Variants in ASTN2 observed in about 807,000 individuals in gnomAD.
ASTN2 encodes the protein astrotactin-2.
In ASTN2, 54 loss-of-function variants were observed where a neutral mutation model predicts 139.8. The ratio of observed to expected loss-of-function variants is 0.39; its 90% CI spans 0.31 to 0.48. The LOEUF (loss-of-function observed/expected upper bound fraction) is 0.48, where lower values mean the gene tolerates loss of function less well. Among genes scored for constraint, ASTN2 ranks in the 20% least tolerant of loss-of-function variants. The probability of loss-of-function intolerance (pLI) is 0.95; values close to 1 mark genes in which losing one functional copy is unlikely to be tolerated. For missense variants in ASTN2, 1,565 were observed against 1,725.1 expected (o/e 0.91, Z 1.64); for synonymous variants, 756 against 719.5 (o/e 1.05, Z -0.81).
intron 1 of ASTN2, among the ~76,000 whole-genome samples, chr9:117,400,351 T>C (rs1180433289): frequency 1.3e-5 from 2 of 152,184 alleles, no homozygotes; most frequent in African/African-American, 2.4e-5. Context: ...TGTCCTTTTG[T>C]GGGGAGGACA....
chr9:116,924,410 A>G (rs1338871721), intron 10 of ASTN2, among the ~76,000 whole-genome samples: 1 of 146,124 alleles, frequency 6.8e-6, no homozygotes, highest in Non-Finnish European at 1.5e-5. Flanking sequence ...AGCCTGGGTG[A>G]CAGAGCAAGA....
At chr9:116,652,484 T>C (rs1321245051) in intron 16 of ASTN2, among the ~76,000 whole-genome samples, 2 of 152,204 alleles carry the variant, frequency 1.3e-5, no homozygotes, top group Non-Finnish European at 2.9e-5. Context: ...ACAAAAAGGA[T>C]ATCCTTCCTT....
chr9:117,219,781 A>G (rs1832454916), intron 2 of ASTN2, among the ~76,000 whole-genome samples: 1 of 152,102 alleles, frequency 6.6e-6, no homozygotes, highest in African/African-American at 2.4e-5. Flanking sequence ...CTTCCCTATT[A>G]CAAGTCTCTC....
At chr9:117,121,608 G>A (rs1383315527) in intron 4 of ASTN2, among the ~76,000 whole-genome samples, 1 of 152,208 alleles carries the variant, frequency 6.6e-6, no homozygotes, top group East Asian at 1.9e-4. Context: ...AGGCTGTGAT[G>A]CAAACAACCC....
intron 10 of ASTN2, among the ~76,000 whole-genome samples, chr9:116,934,444 G>A (rs1376679118): frequency 6.6e-6 from 1 of 152,138 alleles, no homozygotes; most frequent in Non-Finnish European, 1.5e-5. Context: ...ATGAAGCTAG[G>A]AGGCTAGTAT....
rs1037105613 is a variant in ASTN2 at position 116,739,807 on chromosome 9, G to T, written c.2397-6284C>A. ...GCCTGAGTAAAACTGAGAAAAAGTA[G>T]GTGCACCATGAGCATTTGTTGAAGC... On this transcript the variant is annotated intron_variant, in intron 13 of 22. Coordinates refer to ENST00000313400, the MANE Select transcript of ASTN2 (RefSeq NM_001365068.1). Among the ~76,000 whole-genome samples the T allele has an allele frequency of 1.1e-4, 17 of 152,174 alleles. 1 individual carries two copies. The highest frequency in any genetic ancestry group is 1.5e-5 in the Non-Finnish European group (1 of 68,042).
chr9:117,304,488 C>A lies in ASTN2; in HGVS notation c.443-12975G>T, dbSNP rs554497749. Among the ~76,000 whole-genome samples, 4 of 152,334 alleles carry A rather than the reference C, an allele frequency of 2.6e-5. No homozygotes were observed. In the South Asian group the frequency reaches 6.2e-4, roughly 24 times the overall value. ...CTTAATGGGCATGTGTAGCACAGAA[C>A]AAACTGATGTTGAAATTTTGCCCTA... On this transcript the variant is annotated intron_variant, in intron 1 of 22. Transcript: ENST00000313400.
At chr9:116,472,900 C>A (rs1221264812) in intron 20 of ASTN2, among the ~76,000 whole-genome samples, 1 of 143,730 alleles carries the variant, frequency 7.0e-6, no homozygotes. Context: ...GCACTCCAGC[C>A]TGGGCAACAG....
intron 10 of ASTN2, among the ~76,000 whole-genome samples, chr9:116,951,261 T>A (rs552553886): frequency 1.3e-4 from 17 of 132,468 alleles, no homozygotes; most frequent in Admixed American, 9.3e-4. Flanking sequence ...AGCTTGAACC[T>A]GGGAGGCAGA....
intron 11 of ASTN2, among the ~76,000 whole-genome samples, chr9:116,855,595 T>G (rs769615594): frequency 2.6e-5 from 4 of 152,192 alleles, no homozygotes; most frequent in Non-Finnish European, 5.9e-5. Context: ...AAAGTGCCCC[T>G]CTCTTCATGC....
In ASTN2 at chr9:117,291,476, G is replaced by T; in HGVS notation, c.480C>A (p.His160Gln). 1 of 1,613,184 alleles carries T rather than the reference G, an allele frequency of 6.2e-7. No homozygotes were observed. Residue 160 changes from histidine (H) to glutamine (Q), a missense_variant, in exon 2 of 23, where the codon CAC (histidine) becomes CAA (glutamine). His to Gln is a conservative substitution (Grantham distance 24, BLOSUM62 0). Around this residue, in one of 4 missense-constraint regions of ASTN2, gnomAD observed 596 missense variants for 576.8 expected, o/e 1.03. Transcript: ENST00000313400. ...CATTCTCCAGCCACTGCTGTCTCCAGTGCACCAGCGAGATGTCCGCTGCTG... is the reference window on the plus strand; with the variant it reads ...CATTCTCCAGCCACTGCTGTCTCCATTGCACCAGCGAGATGTCCGCTGCTG... ...SGTAADISLVHWRQQWLENGT... is the reference protein window; with the variant it reads ...SGTAADISLVQWRQQWLENGT...
At chr9:117,207,205 G>T (rs1831956175) in intron 3 of ASTN2, among the ~76,000 whole-genome samples, 1 of 152,116 alleles carries the variant, frequency 6.6e-6, no homozygotes, top group Non-Finnish European at 1.5e-5. Flanking sequence ...CAGCCCCTTG[G>T]GCAGATATGC....
At chr9:116,991,535 G>T (rs920305250) in intron 7 of ASTN2, among the ~76,000 whole-genome samples, 2 of 150,078 alleles carry the variant, frequency 1.3e-5, no homozygotes, top group African/African-American at 4.9e-5. Context: ...ACTTCGTACC[G>T]ATAATAATCG....
chr9:116,632,252 G>GGAAAGAAGGAAAGAAAGAAA, intron 17 of ASTN2, among the ~76,000 whole-genome samples: 1 of 70,916 alleles, frequency 1.4e-5, no homozygotes, highest in Admixed American at 1.4e-4. Flanking sequence ...AAAGAAAGAA[G>GGAAAGAAGGAAAGAAAGAAA]GAAAGAAAGA....
intron 6 of ASTN2, among the ~76,000 whole-genome samples, chr9:117,017,989 T>G (rs7047635): frequency 1.3e-5 from 2 of 149,656 alleles, no homozygotes; most frequent in African/African-American, 4.9e-5. Context: ...TTGCTCTCAC[T>G]TACCCAGGCT....
In ASTN2 at chr9:117,050,331, G is replaced by A. The variant is rs1838878711; in HGVS notation, c.1277-10366C>T. Among the ~76,000 whole-genome samples, 11 of 152,244 alleles carry A rather than the reference G, an allele frequency of 7.2e-5. No homozygotes were observed. The South Asian group carries it at 2.3e-3, about 32-fold the overall frequency. On this transcript the variant is annotated intron_variant, in intron 5 of 22. Transcript: ENST00000313400. ...TCCATTATCTTGGAAGATGTCAGTG[G>A]ACTTTGGCCCACACTTTGTGAAAAT...
rs917513427 is a variant in ASTN2 at position 116,880,658 on chromosome 9, T to A, written c.1890-16925A>T. Among the ~76,000 whole-genome samples, 3 of 152,252 alleles carry A rather than the reference T, an allele frequency of 2.0e-5. No individual in the cohort carries two copies. The East Asian group carries it at 5.8e-4, about 29-fold the overall frequency. On this transcript the variant is annotated intron_variant, in intron 10 of 22. Coordinates refer to ENST00000313400, the MANE Select transcript of ASTN2 (RefSeq NM_001365068.1). Reference sequence around the variant, plus strand: ...ATGGGGTAAAATACATAAGATAATGTCCCTTGTGCAAATATGCAAATACTG... The same window carrying A: ...ATGGGGTAAAATACATAAGATAATGACCCTTGTGCAAATATGCAAATACTG...
intron 20 of ASTN2, among the ~76,000 whole-genome samples, chr9:116,446,132 TG>T (rs142913279): frequency 6.7e-6 from 1 of 148,694 alleles, no homozygotes; most frequent in Non-Finnish European, 1.5e-5. Flanking sequence ...AGTGAGAAGT[TG>T]GGGGGGGACA....
chr9:116,670,851 T>C (rs551548681), intron 16 of ASTN2, among the ~76,000 whole-genome samples: 20 of 152,290 alleles, frequency 1.3e-4, no homozygotes, highest in African/African-American at 4.3e-4. Context: ...TTTCTGACCT[T>C]TGACTATCCA....
Sources: gnomAD v4.1 joint callset for allele counts (sites outside exome capture counted in the v4.1 genomes callset) on GRCh38, gnomAD v4.1.1 for gene constraint, gnomAD v4.1.1 regional missense constraint, MANE v1.5 for transcripts, NCBI Gene and HGNC (gene_info 2026-07-23, HGNC 2026-07-21) for gene names.